Variants in DESI2 observed in about 807,000 individuals in gnomAD.
The protein encoded by DESI2 is deubiquitinase DESI2.
Under a neutral mutation model 24.1 loss-of-function variants are expected in DESI2, and 10 were observed. The ratio of observed to expected loss-of-function variants is 0.41; its 90% CI spans 0.26 to 0.70. DESI2 has a LOEUF of 0.70. DESI2 is among the 30% of genes least tolerant of loss of function. DESI2 has a pLI of 0.29. For synonymous variants in DESI2, 71 were observed against 87.7 expected (o/e 0.81, Z 1.06); for missense variants, 122 against 234.9 (o/e 0.52, Z 3.14).
At chr1:244,653,462 C>T in intron 1 of DESI2, 107 bp downstream of exon 1, 1 of 1,202,956 alleles carries the variant, frequency 8.3e-7, no homozygotes, top group East Asian at 2.8e-5. Context: ...GTCTCCGCCT[C>T]CAGCCTAGTT....
chr1:244,696,116 A>G (rs956314467), intron 4 of DESI2, among the ~76,000 whole-genome samples: 1 of 152,222 alleles, frequency 6.6e-6, no homozygotes, highest in Non-Finnish European at 1.5e-5. Context: ...AAAGATAAAG[A>G]TTCTTTTTAA....
rs1675519453 is a variant in DESI2 at position 244,653,194 on chromosome 1, C to T, written c.-120C>T. On this transcript the variant is annotated 5_prime_UTR_variant, in exon 1 of 5. Transcript: ENST00000302550. ...ATGCTTCCGCCCCGGCTGCCGCGGG[C>T]CGGGCTGTACGCTTAGTGCCCGGCT... 4 of 1,044,320 alleles carry T rather than the reference C, an allele frequency of 3.8e-6. No individual in the cohort carries two copies. Among genetic ancestry groups the T allele is most frequent in the Non-Finnish European group, 5.1e-6 (4 of 782,858 alleles). 64.7% of individuals were successfully genotyped at this position (1,044,320 alleles called of 1,614,324 possible). A position where few individuals can be genotyped will look rare whatever the true frequency, so the allele number is the denominator to read the frequency against.
chr1:244,683,528 G>A (rs2653163), intron 1 of DESI2, among the ~76,000 whole-genome samples: 148,420 of 152,202 alleles, frequency 0.98, 72,420 homozygotes, highest in East Asian at 0.99. Flanking sequence ...AGCCAGGGTG[G>A]TCTTGATCTC....
At chr1:244,692,075 T>C in intron 4 of DESI2, 55 bp downstream of exon 4, 1 of 1,406,368 alleles carries the variant, frequency 7.1e-7, no homozygotes, top group Non-Finnish European at 9.8e-7. Context: ...TATCCCACTA[T>C]ACTTGATATC....
At chr1:244,692,298 C>T (rs963940149) in intron 4 of DESI2, among the ~76,000 whole-genome samples, 1 of 152,084 alleles carries the variant, frequency 6.6e-6, no homozygotes, top group African/African-American at 2.4e-5. Context: ...TAACCTGAAA[C>T]TTTCACTTTA....
intron 4 of DESI2, chr1:244,694,390 TA>T: frequency 3.1e-6 from 2 of 650,312 alleles, no homozygotes; most frequent in Non-Finnish European, 5.8e-6. Flanking sequence ...TTTTTTTTTT[TA>T]AACCGGAACA....
intron 4 of DESI2, among the ~76,000 whole-genome samples, chr1:244,702,520 TAAATAAATAAATAAA>T (rs1256770370): frequency 1.4e-5 from 2 of 146,388 alleles, no homozygotes; most frequent in African/African-American, 5.1e-5. Flanking sequence ...TCTCAAAAAA[TAAATAAATAAATAAA>T]TAAATGGCTT....
intron 4 of DESI2, among the ~76,000 whole-genome samples, chr1:244,696,762 C>T (rs1402696388): frequency 1.3e-5 from 2 of 152,230 alleles, no homozygotes; most frequent in African/African-American, 4.8e-5. Context: ...GCTTGGACTT[C>T]TGTAAGGTTC....
At chr1:244,705,463 C>A in intron 4 of DESI2, 93 bp from the exon 5 acceptor site, 1 of 1,038,548 alleles carries the variant, frequency 9.6e-7, no homozygotes, top group Non-Finnish European at 1.5e-6. Context: ...CTTCTCTGTA[C>A]GCCGCCCCCC....
intron 1 of DESI2, among the ~76,000 whole-genome samples, chr1:244,666,492 C>A (rs546967923): frequency 6.6e-6 from 1 of 152,262 alleles, no homozygotes; most frequent in South Asian, 2.1e-4. Context: ...TAGTGATATA[C>A]TTTAATATTT....
intron 1 of DESI2, 63 bp downstream of exon 1, chr1:244,653,418 CT>C: frequency 6.7e-7 from 1 of 1,498,510 alleles, no homozygotes; most frequent in Non-Finnish European, 8.9e-7. Flanking sequence ...GCCCGTGGGG[CT>C]CGGACCCCGG....
chr1:244,699,214 T>C (rs1677342371), intron 4 of DESI2, among the ~76,000 whole-genome samples: 1 of 152,204 alleles, frequency 6.6e-6, no homozygotes, highest in African/African-American at 2.4e-5. Context: ...TAAAACCATT[T>C]TGAAATATTT....
chr1:244,674,045 A>G (rs1317684698), intron 1 of DESI2, among the ~76,000 whole-genome samples: 4 of 130,190 alleles, frequency 3.1e-5, no homozygotes, highest in Non-Finnish European at 6.1e-5. Flanking sequence ...CCCAGGCTGG[A>G]GTACAGTGGT....
At chr1:244,673,899 A>G (rs984074518) in intron 1 of DESI2, among the ~76,000 whole-genome samples, 2 of 152,094 alleles carry the variant, frequency 1.3e-5, no homozygotes, top group African/African-American at 4.8e-5. Flanking sequence ...AGGCATGTAC[A>G]GAAGAGTTTT....
chr1:244,701,293 G>A (rs775959080), intron 4 of DESI2, among the ~76,000 whole-genome samples: 4 of 133,266 alleles, frequency 3.0e-5, no homozygotes, highest in African/African-American at 5.6e-5. Flanking sequence ...CAACCATCTC[G>A]ACAGAAACCA....
intron 1 of DESI2, among the ~76,000 whole-genome samples, chr1:244,683,761 C>T (rs571226839): frequency 6.6e-6 from 1 of 152,074 alleles, no homozygotes; most frequent in Non-Finnish European, 1.5e-5. Flanking sequence ...CACTTTGTTG[C>T]CCTGGCTGGA....
At chr1:244,678,370 A>G (rs139751849) in intron 1 of DESI2, among the ~76,000 whole-genome samples, 155 of 152,356 alleles carry the variant, frequency 1.0e-3, no homozygotes, top group African/African-American at 3.5e-3. Context: ...TACTCAGGCA[A>G]CATATAGGAG....
intron 2 of DESI2, among the ~76,000 whole-genome samples, chr1:244,687,827 T>G (rs1676875942): frequency 6.6e-6 from 1 of 152,222 alleles, no homozygotes; most frequent in African/African-American, 2.4e-5. Flanking sequence ...GGTTACTCTT[T>G]TGGCTGATTT....
chr1:244,670,966 T>C (rs1378317613), intron 1 of DESI2, among the ~76,000 whole-genome samples: 2 of 152,216 alleles, frequency 1.3e-5, no homozygotes, highest in Non-Finnish European at 1.5e-5. Flanking sequence ...GAATCTAAAC[T>C]GGAACTAGGG....
Sources: gnomAD v4.1 joint callset for allele counts (sites outside exome capture counted in the v4.1 genomes callset) on GRCh38, gnomAD v4.1.1 for gene constraint, MANE v1.5 for transcripts, NCBI Gene and HGNC (gene_info 2026-07-23, HGNC 2026-07-21) for gene names.